Variants in RORA observed in about 807,000 individuals in gnomAD.
The protein encoded by RORA is RAR related orphan receptor A, also known as nuclear receptor ROR-alpha.
In RORA, 7 loss-of-function variants were observed where a neutral mutation model predicts 69.5. The ratio of observed to expected loss-of-function variants is 0.10; its 90% CI spans 0.06 to 0.19. The LOEUF (loss-of-function observed/expected upper bound fraction) is 0.19, where lower values mean the gene tolerates loss of function less well. Ranked by LOEUF, RORA falls within the 10% of genes least tolerant of loss-of-function variation. The pLI is 1.00. For missense variants in RORA, 457 were observed against 663.0 expected, an observed-to-expected ratio of 0.69 and a Z score of 3.41; for synonymous variants, 261 against 240.8, an observed-to-expected ratio of 1.08 and a Z score of -0.78.
At chr15:60,750,630 T>C (rs932311514) in intron 1 of RORA, among the ~76,000 whole-genome samples, 7 of 152,146 alleles carry the variant, frequency 4.6e-5, no homozygotes, top group African/African-American at 1.7e-4. Flanking sequence ...AGAGAGGACA[T>C]CAAACTGAGA....
intron 1 of RORA, among the ~76,000 whole-genome samples, chr15:60,994,604 A>G (rs1343337471): frequency 1.3e-5 from 2 of 152,226 alleles, no homozygotes; most frequent in African/African-American, 4.8e-5. Flanking sequence ...TTTGAGAAGG[A>G]GAAATCCTGT....
rs993545486 is a variant in RORA, at chr15:60,514,555, G to T, written c.424+61C>A. The T allele has an allele frequency of 5.8e-6, 9 of 1,558,354 alleles. No homozygotes were observed. The African/African-American group carries it at 1.2e-4, about 21-fold the overall frequency. ...GCAGATATTGGCAGATCTGAGTCCA[G>T]GTTTCAGAAGGCACTTTCACAACCC... On this transcript the variant is annotated intron_variant, in intron 4 of 10. Transcript: ENST00000335670.
chr15:61,186,067 C>T (rs533073342), intron 1 of RORA, among the ~76,000 whole-genome samples: 80 of 152,294 alleles, frequency 5.3e-4, no homozygotes, highest in African/African-American at 1.3e-3. Flanking sequence ...CCTCCTAAAA[C>T]GTGAAAAATT....
At chr15:61,174,631 TTATCAAC>T (rs774000789) in intron 1 of RORA, among the ~76,000 whole-genome samples, 19 of 152,224 alleles carry the variant, frequency 1.2e-4, no homozygotes, top group Non-Finnish European at 2.2e-4. Flanking sequence ...TTTGTCATCC[TTATCAAC>T]CGCTCTCATA....
At chr15:60,812,853 G>C (rs1372918323) in intron 1 of RORA, among the ~76,000 whole-genome samples, 1 of 152,164 alleles carries the variant, frequency 6.6e-6, no homozygotes, top group East Asian at 1.9e-4. Flanking sequence ...CTGGACATTG[G>C]ATAGGTGAAC....
intron 1 of RORA, chr15:60,681,669 T>C (rs901842907): frequency 6.6e-6 from 1 of 152,186 alleles, no homozygotes; most frequent in Non-Finnish European, 1.5e-5. Flanking sequence ...CAGCAGCCAT[T>C]TTCTCACCCT....
At chr15:60,763,175 C>A (rs1024101382) in intron 1 of RORA, among the ~76,000 whole-genome samples, 1 of 140,084 alleles carries the variant, frequency 7.1e-6, no homozygotes, top group Non-Finnish European at 1.5e-5. Flanking sequence ...TTTCCCAAAA[C>A]GTTCTCAGCG....
At chr15:61,047,280 G>A (rs2044659704) in intron 1 of RORA, among the ~76,000 whole-genome samples, 2 of 152,218 alleles carry the variant, frequency 1.3e-5, no homozygotes, top group Admixed American at 1.3e-4. Flanking sequence ...AGAAGCCCTT[G>A]CCACACAGGA....
intron 6 of RORA, 78 bp from the exon 7 acceptor site, chr15:60,503,745 CA>C: frequency 6.4e-7 from 1 of 1,555,176 alleles, no homozygotes; most frequent in Non-Finnish European, 8.7e-7. Flanking sequence ...GTTATGAAAG[CA>C]AAGCATGCCA....
At chr15:61,049,545 GAGTACC>G (rs1170968606) in intron 1 of RORA, among the ~76,000 whole-genome samples, 1 of 152,218 alleles carries the variant, frequency 6.6e-6, no homozygotes, top group Non-Finnish European at 1.5e-5. Flanking sequence ...GTAGCATGAG[GAGTACC>G]AGTCTGCAGG....
chr15:60,963,588 G>T (rs368925523), intron 1 of RORA, among the ~76,000 whole-genome samples: 26 of 152,376 alleles, frequency 1.7e-4, no homozygotes, highest in African/African-American at 6.3e-4. Flanking sequence ...GCACTTATTT[G>T]TGAGGTTTCC....
intron 1 of RORA, among the ~76,000 whole-genome samples, chr15:60,844,527 T>C (rs917689832): frequency 6.6e-6 from 1 of 152,130 alleles, no homozygotes; most frequent in Non-Finnish European, 1.5e-5. Flanking sequence ...CCTCCACGCA[T>C]GTCGAATGCA....
chr15:60,952,707 TA>T (rs1451017228), intron 1 of RORA, among the ~76,000 whole-genome samples: 1 of 151,182 alleles, frequency 6.6e-6, no homozygotes, highest in East Asian at 1.9e-4. Flanking sequence ...ACAAAGAGGA[TA>T]AAATACCTAG....
intron 4 of RORA, among the ~76,000 whole-genome samples, chr15:60,512,863 A>G (rs1177563693): frequency 1.3e-5 from 2 of 152,200 alleles, no homozygotes; most frequent in East Asian, 3.8e-4. Context: ...ACACACAAAC[A>G]AAAAACCCTA....
chr15:61,168,907 T>C (rs920309483), intron 1 of RORA, among the ~76,000 whole-genome samples: 2 of 152,200 alleles, frequency 1.3e-5, no homozygotes, highest in Admixed American at 1.3e-4. Context: ...CATCTGATCA[T>C]TTCTAGCTTG....
chr15:60,945,711 T>C (rs1311209229), intron 1 of RORA, among the ~76,000 whole-genome samples: 1 of 152,198 alleles, frequency 6.6e-6, no homozygotes, highest in Admixed American at 6.5e-5. Context: ...GGGCACTTTT[T>C]TGGCAAACCC....
intron 2 of RORA, among the ~76,000 whole-genome samples, chr15:60,599,751 C>T (rs2068773888): frequency 6.6e-6 from 1 of 152,164 alleles, no homozygotes; most frequent in East Asian, 1.9e-4. Flanking sequence ...GCAAACTATA[C>T]ACTTTCAGAG....
rs202017241 is a variant in RORA at position 60,634,705 on chromosome 15, C to CT, written c.196+43951dup. On this transcript the variant is annotated intron_variant, in intron 2 of 10. Coordinates refer to ENST00000335670, the MANE Select transcript of RORA (RefSeq NM_134261.3). Reference sequence around the variant, plus strand: ...AGCTTGAGCCACCGCACCTGGCCCACTTTTTTACCTTCTCAAAACCCCAAC... The same window carrying CT: ...AGCTTGAGCCACCGCACCTGGCCCACTTTTTTTACCTTCTCAAAACCCCAAC... 6.0e-4 allele frequency among the ~76,000 whole-genome samples: 91 copies of CT among 152,222 alleles called. No homozygotes were observed. In the East Asian group the frequency reaches 9.1e-3, roughly 15 times the overall value.
At chr15:60,808,683 C>CAT (rs2140364753) in intron 1 of RORA, among the ~76,000 whole-genome samples, 1 of 148,970 alleles carries the variant, frequency 6.7e-6, no homozygotes, top group South Asian at 2.1e-4. Context: ...AATATATAAA[C>CAT]ATATATATGT....
Sources: gnomAD v4.1 joint callset for allele counts (sites outside exome capture counted in the v4.1 genomes callset) on GRCh38, gnomAD v4.1.1 for gene constraint, MANE v1.5 for transcripts, NCBI Gene and HGNC (gene_info 2026-07-23, HGNC 2026-07-21) for gene names.